Variants in DSG3 observed in about 807,000 individuals in gnomAD.
DSG3 encodes the protein desmoglein 3.
DSG3 carries 63 observed loss-of-function variants against 85.9 expected under a neutral mutation model. The ratio of observed to expected loss-of-function variants is 0.73; its 90% confidence interval spans 0.60 to 0.90. DSG3 has a LOEUF of 0.90. Ranked by LOEUF, DSG3 falls within the 40% of genes least tolerant of loss-of-function variation. DSG3 has a pLI of 0.00. For synonymous variants in DSG3, 447 were observed against 441.9 expected, an observed-to-expected ratio of 1.01 and a Z score of -0.14; for missense variants, 1,220 against 1,219.9, an observed-to-expected ratio of 1.00 and a Z score of 0.00.
chr18:31,464,021 C>A, intron 8 of DSG3, 90 bp from the exon 9 acceptor site: 1 of 1,195,610 alleles, frequency 8.4e-7, no homozygotes, highest in Non-Finnish European at 1.2e-6. Context: ...AATTCATTCA[C>A]AGCATCTTGC....
chr18:31,476,471 T>C lies in DSG3; in HGVS notation c.*211T>C, dbSNP rs1354339796. 3 of 468,468 alleles carry C rather than the reference T, an allele frequency of 6.4e-6. No individual in the cohort carries two copies. The highest frequency in any genetic ancestry group is 5.8e-4 in the Middle Eastern group (1 of 1,736). 29.0% of individuals were successfully genotyped at this position (468,468 alleles called of 1,614,324 possible). ...TAATTCTCAAGTACTATTCAAATTG[T>C]AGTAAATCTTAAAGTTTTTCAAAAC... On this transcript the variant is annotated 3_prime_UTR_variant, in exon 16 of 16. Coordinates refer to ENST00000257189, the MANE Select transcript of DSG3 (RefSeq NM_001944.3).
At chr18:31,457,374 G>A (rs908007990) in intron 3 of DSG3, among the ~76,000 whole-genome samples, 19 of 151,960 alleles carry the variant, frequency 1.3e-4, no homozygotes, top group Non-Finnish European at 1.8e-4. Flanking sequence ...TAATATAGAA[G>A]GCTTACTTGG....
rs1221354571 is a variant in DSG3 at position 31,478,510 on chromosome 18, C to T, written c.*2250C>T. 6.6e-6 allele frequency: 1 copy of T among 152,018 alleles called. No individual in the cohort carries two copies. Among genetic ancestry groups the T allele is most frequent in the African/African-American group, 2.4e-5 (1 of 41,376 alleles). The allele number at this position is 152,018 out of a possible 1,614,324, so 9.4% of individuals were successfully genotyped here. On this transcript the variant is annotated 3_prime_UTR_variant, in exon 16 of 16. Transcript: ENST00000257189. Reference sequence around the variant, plus strand: ...TTTTAAATTTCAAAAAAAAATCAATCTTTAGGATGACTTAAAAATTGATTT... The same window carrying T: ...TTTTAAATTTCAAAAAAAAATCAATTTTTAGGATGACTTAAAAATTGATTT...
Position 31,476,050 on chromosome 18 carries a change from C to T in DSG3, c.2790C>T (p.Asn930=), listed in dbSNP as rs1242671945. 6.2e-7 allele frequency: 1 copy of T among 1,614,218 alleles called. No homozygotes were observed. The highest frequency in any genetic ancestry group is 1.1e-5 in the South Asian group (1 of 91,082). The part of the protein sequence containing the change: ...VSIPDPLQHG[N]YLVTETYSAS... ...TCCCTGACCCTCTGCAGCATGGTAA[C>T]TATTTAGTAACGGAGACTTACTCGG... The change falls in exon 16 of 16, where the codon AAC becomes AAT. Residue 930 remains asparagine, a synonymous_variant. Transcript: ENST00000257189.
At chr18:31,460,134 G>C in intron 6 of DSG3, 123 bp downstream of exon 6, 2 of 1,036,888 alleles carry the variant, frequency 1.9e-6, no homozygotes, top group Non-Finnish European at 2.7e-6. Context: ...ACTTAACTTG[G>C]CTAATCTAGG....
intron 9 of DSG3, 95 bp downstream of exon 9, chr18:31,464,477 G>A (rs2072804903): frequency 1.5e-6 from 2 of 1,321,560 alleles, no homozygotes; most frequent in Non-Finnish European, 2.0e-6. Flanking sequence ...GCCAAGAATA[G>A]AGATATGACA....
intron 9 of DSG3, among the ~76,000 whole-genome samples, chr18:31,464,737 C>T (rs577554570): frequency 2.7e-4 from 41 of 152,264 alleles, no homozygotes; most frequent in African/African-American, 8.7e-4. Flanking sequence ...CTTACAAAGA[C>T]ATATATGCCT....
intron 8 of DSG3, among the ~76,000 whole-genome samples, chr18:31,461,724 C>A (rs540215177): frequency 6.6e-6 from 1 of 152,126 alleles, no homozygotes; most frequent in African/African-American, 2.4e-5. Context: ...CACAAGAAAG[C>A]AAAACACATT....
Position 31,458,586 on chromosome 18 carries a change from A to G in DSG3, c.358A>G (p.Thr120Ala). 1 of 1,612,744 alleles carries G rather than the reference A, an allele frequency of 6.2e-7. No homozygotes were observed. The highest frequency in any genetic ancestry group is 2.2e-5 in the East Asian group (1 of 44,868). Reference protein sequence around the residue: ...NITAIVDREETPSFLITCRAL... With the variant: ...NITAIVDREEAPSFLITCRAL... ...AACAGCTATAGTCGACCGGGAGGAA[A>G]CTCCAAGCTTCCTGGTAAGTTTGGG... is the stretch of plus-strand genomic sequence containing the variant. The change falls in exon 4 of 16, where the codon ACT becomes GCT. Residue 120 changes from threonine (T) to alanine (A), a missense_variant. Thr to Ala is a moderately conservative substitution (Grantham distance 58). Transcript: ENST00000257189.
In DSG3 at chr18:31,476,174, G is replaced by A. The variant is rs2072886619; in HGVS notation, c.2914G>A (p.Val972Ile). Residue 972 changes from valine (V) to isoleucine (I), a missense_variant, in exon 16 of 16, where the codon GTT (valine) becomes ATT (isoleucine). By Grantham distance (29) the Val-to-Ile change is conservative. Coordinates refer to ENST00000257189, the MANE Select transcript of DSG3 (RefSeq NM_001944.3). ...TERVICPISSVPGNLAGPTQL... is the reference protein window; with the variant it reads ...TERVICPISSIPGNLAGPTQL... ...AAGGGTGATCTGTCCCATTTCCAGT[G>A]TTCCTGGCAACCTAGCTGGCCCAAC... The A allele has an allele frequency of 1.2e-6, 2 of 1,614,198 alleles. No individual in the cohort carries two copies. The highest frequency in any genetic ancestry group is 1.7e-6 in the Non-Finnish European group (2 of 1,180,046).
At chr18:31,464,678 A>G (rs2072806161) in intron 9 of DSG3, among the ~76,000 whole-genome samples, 1 of 152,246 alleles carries the variant, frequency 6.6e-6, no homozygotes, top group African/African-American at 2.4e-5. Context: ...AGTCTTACAA[A>G]GGAGTAGAAG....
intron 1 of DSG3, among the ~76,000 whole-genome samples, chr18:31,452,794 A>C (rs2072719578): frequency 6.6e-6 from 1 of 152,172 alleles, no homozygotes; most frequent in African/African-American, 2.4e-5. Flanking sequence ...GTTGGATTTA[A>C]ATTCAGTGAT....
chr18:31,458,611 G>A lies in DSG3; in HGVS notation c.372+11G>A, dbSNP rs201051549. The A allele has an allele frequency of 1.4e-4, 232 of 1,610,214 alleles. 1 individual carries two copies. Among genetic ancestry groups the A allele is most frequent in the Non-Finnish European group, 1.9e-4 (223 of 1,177,912 alleles). ...ACTCCAAGCTTCCTGGTAAGTTTGG[G>A]TCCTCAACATTGGGCTACCCTTCTC... On this transcript the variant is annotated intron_variant, in intron 4 of 15. Coordinates refer to ENST00000257189, the MANE Select transcript of DSG3 (RefSeq NM_001944.3).
At chr18:31,473,241 TC>T (rs2072866699) in intron 14 of DSG3, among the ~76,000 whole-genome samples, 1 of 152,176 alleles carries the variant, frequency 6.6e-6, no homozygotes, top group African/African-American at 2.4e-5. Context: ...CCTTCTTTCT[TC>T]CCCAGAACTA....
At chr18:31,469,405 C>T in intron 12 of DSG3, 56 bp downstream of exon 12, 2 of 1,598,362 alleles carry the variant, frequency 1.3e-6, no homozygotes, top group Non-Finnish European at 1.7e-6. Context: ...TTGCAAAGGC[C>T]TCCATGCTGC....
intron 6 of DSG3, 53 bp downstream of exon 6, chr18:31,460,064 A>C (rs1486000852): frequency 1.3e-6 from 2 of 1,534,442 alleles, no homozygotes; most frequent in East Asian, 4.5e-5. Flanking sequence ...TGATTATAAG[A>C]AAACCAAGAG....
At chr18:31,472,247 G>A in intron 12 of DSG3, 37 bp from the exon 13 acceptor site, 2 of 1,613,658 alleles carry the variant, frequency 1.2e-6, no homozygotes, top group South Asian at 1.1e-5. Context: ...TCCTAAATTA[G>A]TCAAGTGTTC....
Position 31,457,553 on chromosome 18 carries a change from CTT to C in DSG3, c.216+431_216+432del, listed in dbSNP as rs1568086380. 3.7e-3 allele frequency among the ~76,000 whole-genome samples: 420 copies of C among 114,662 alleles called. 3 individuals carry two copies. Among genetic ancestry groups the C allele is most frequent in the African/African-American group, 0.014 (322 of 22,932 alleles). The allele number at this position is 114,662 out of a possible 152,430, so 75.2% of individuals were successfully genotyped here. A position where few individuals can be genotyped will look rare whatever the true frequency, so the allele number is the denominator to read the frequency against. ...TTTCTTTCTTTCTTTCTTTCTCTTT[CTT>C]TCTTTCTTTCTTTCTTTCTTTCTTT... is the stretch of plus-strand genomic sequence containing the variant. On this transcript the variant is annotated intron_variant, in intron 3 of 15. Transcript: ENST00000257189.
chr18:31,463,665 G>A (rs536145838), intron 8 of DSG3, among the ~76,000 whole-genome samples: 2 of 152,318 alleles, frequency 1.3e-5, no homozygotes, highest in African/African-American at 4.8e-5. Context: ...CCAGTTATAA[G>A]AACGTATTAG....
Sources: allele counts gnomAD v4.1 joint callset (sites outside exome capture counted in the v4.1 genomes callset), GRCh38; gene constraint gnomAD v4.1.1; transcripts MANE v1.5; gene names NCBI Gene and HGNC (gene_info 2026-07-23, HGNC 2026-07-21).